Variants in DOCK10 observed in about 807,000 individuals in gnomAD.
DOCK10 encodes dedicator of cytokinesis protein 10.
A neutral mutation model predicts 280.1 loss-of-function variants in DOCK10; 145 were observed. That is an observed-to-expected ratio of 0.52 (90% CI 0.45 to 0.59). The LOEUF is 0.59. Among genes scored for constraint, DOCK10 ranks in the 20% least tolerant of loss-of-function variants. The pLI is 0.00. For synonymous variants in DOCK10, 915 were observed against 942.2 expected, an observed-to-expected ratio of 0.97 and a Z score of 0.53; for missense variants, 2,368 against 2,651.7, an observed-to-expected ratio of 0.89 and a Z score of 2.35.
chr2:224,800,694 A>G (rs1477487656), intron 40 of DOCK10, among the ~76,000 whole-genome samples: 1 of 152,214 alleles, frequency 6.6e-6, no homozygotes, highest in African/African-American at 2.4e-5. Flanking sequence ...CCATGTGCCC[A>G]TAATTGCTAA....
intron 1 of DOCK10, among the ~76,000 whole-genome samples, chr2:225,025,343 G>A (rs1211630473): frequency 6.6e-6 from 1 of 152,090 alleles, no homozygotes; most frequent in African/African-American, 2.4e-5. Context: ...ACTGGAGTTC[G>A]AAACTCCTAG....
intron 48 of DOCK10, 27 bp downstream of exon 48, chr2:224,789,037 C>T (rs1691955643): frequency 4.2e-6 from 6 of 1,444,884 alleles, no homozygotes; most frequent in Non-Finnish European, 5.8e-6. Context: ...TCCTTCGTTA[C>T]TGTACATGAG....
intron 11 of DOCK10, 76 bp from the exon 12 acceptor site, chr2:224,865,163 T>A: frequency 7.2e-7 from 1 of 1,392,584 alleles, no homozygotes; most frequent in Non-Finnish European, 1.0e-6. Flanking sequence ...GTACATCATT[T>A]AACAAAGCAG....
At chr2:224,982,505 A>G (rs946022022) in intron 1 of DOCK10, 2 of 1,225,798 alleles carry the variant, frequency 1.6e-6, no homozygotes, top group African/African-American at 1.6e-5. Flanking sequence ...AGCTCTGATC[A>G]TCTGATCATG....
chr2:224,841,418 T>A (rs1275067836), intron 23 of DOCK10, among the ~76,000 whole-genome samples: 1 of 152,172 alleles, frequency 6.6e-6, no homozygotes, highest in Non-Finnish European at 1.5e-5. Context: ...TAAAGTATAT[T>A]CTGCTGGTAT....
At chr2:225,003,820 G>C (rs370118304) in intron 1 of DOCK10, among the ~76,000 whole-genome samples, 9 of 152,164 alleles carry the variant, frequency 5.9e-5, no homozygotes, top group Non-Finnish European at 1.3e-4. Flanking sequence ...AGCTGCTTTG[G>C]GGAAAGAGGC....
At chr2:224,971,745 C>T (rs1705097632) in intron 1 of DOCK10, among the ~76,000 whole-genome samples, 1 of 151,976 alleles carries the variant, frequency 6.6e-6, no homozygotes, top group Non-Finnish European at 1.5e-5. Flanking sequence ...TTTACTCTTT[C>T]AACTATAAAT....
chr2:224,777,252 A>T (rs1280781063), intron 51 of DOCK10, among the ~76,000 whole-genome samples: 1 of 152,248 alleles, frequency 6.6e-6, no homozygotes, highest in Non-Finnish European at 1.5e-5. Flanking sequence ...GATGGTTAAT[A>T]TTAAATGTCA....
intron 1 of DOCK10, among the ~76,000 whole-genome samples, chr2:224,975,319 C>T (rs1705368715): frequency 6.6e-6 from 1 of 152,102 alleles, no homozygotes; most frequent in Non-Finnish European, 1.5e-5. Context: ...GGGAAAATAC[C>T]TCCAAAGATT....
intron 3 of DOCK10, among the ~76,000 whole-genome samples, chr2:224,915,425 G>A (rs768466562): frequency 1.3e-5 from 2 of 151,968 alleles, no homozygotes; most frequent in Admixed American, 6.6e-5. Flanking sequence ...TCCTTAAAAG[G>A]TATTGTAATG....
intron 24 of DOCK10, among the ~76,000 whole-genome samples, chr2:224,839,255 A>ATTT (rs577799384): frequency 2.3e-5 from 3 of 131,734 alleles, no homozygotes; most frequent in Non-Finnish European, 4.9e-5. Context: ...ATTTTTTGTA[A>ATTT]TTTTTTTTTT....
chr2:224,981,868 T>A (rs941931862), intron 1 of DOCK10, among the ~76,000 whole-genome samples: 3 of 152,348 alleles, frequency 2.0e-5, no homozygotes, highest in Non-Finnish European at 4.4e-5. Flanking sequence ...TTCTTTCAAA[T>A]TATAGTTATA....
At chr2:224,925,099 C>T (rs932893218) in intron 2 of DOCK10, among the ~76,000 whole-genome samples, 1 of 151,770 alleles carries the variant, frequency 6.6e-6, no homozygotes, top group Non-Finnish European at 1.5e-5. Flanking sequence ...CACCAGGAGC[C>T]GTTTAAAAGC....
At chr2:224,874,857 C>T (rs10181328) in intron 8 of DOCK10, 106 bp from the exon 9 acceptor site, 97,546 of 935,562 alleles carry the variant, frequency 0.1, 8,309 homozygotes, top group African/African-American at 0.4. Context: ...CTAAGAGGGA[C>T]GTTGGTGAGC....
Position 224,805,592 on chromosome 2 carries a change from G to T in DOCK10, c.3815-63C>A, listed in dbSNP as rs1432236248. 6 of 1,596,888 alleles carry T rather than the reference G, an allele frequency of 3.8e-6. No individual in the cohort carries two copies. Among genetic ancestry groups the T allele is most frequent in the Admixed American group, 3.4e-5 (2 of 59,158 alleles). Reference sequence around the variant, plus strand: ...ATGTATGGGCACACACACACAAAAGGTTCACATGATGAACCAAAAAGATGT... The same window carrying T: ...ATGTATGGGCACACACACACAAAAGTTTCACATGATGAACCAAAAAGATGT... On this transcript the variant is annotated intron_variant, in intron 34 of 55. Transcript: ENST00000258390. The surrounding 1 kb of genome is among the most constrained non-coding windows in gnomAD (Gnocchi z 4.3).
intron 1 of DOCK10, among the ~76,000 whole-genome samples, chr2:225,041,722 A>C (rs1690428451): frequency 6.6e-6 from 1 of 152,082 alleles, no homozygotes; most frequent in Non-Finnish European, 1.5e-5. Context: ...GGCTGTTCCA[A>C]GTACATCTAT....
intron 45 of DOCK10, among the ~76,000 whole-genome samples, chr2:224,794,663 C>A (rs933505464): frequency 6.6e-6 from 1 of 152,166 alleles, no homozygotes; most frequent in Admixed American, 6.5e-5. Flanking sequence ...TGCAGTTGCC[C>A]CCACTGACTC....
intron 3 of DOCK10, among the ~76,000 whole-genome samples, chr2:224,907,149 G>C (rs1052769465): frequency 1.3e-5 from 2 of 152,178 alleles, no homozygotes; most frequent in Non-Finnish European, 2.9e-5. Context: ...ACAAGAGAAA[G>C]GCTAATCTGA....
At chr2:224,933,694 G>T (rs1175963312) in intron 1 of DOCK10, among the ~76,000 whole-genome samples, 1 of 152,074 alleles carries the variant, frequency 6.6e-6, no homozygotes, top group Non-Finnish European at 1.5e-5. Flanking sequence ...ATGCCCTTTG[G>T]TATTTACAGC....
Sources: gnomAD v4.1 joint callset for allele counts (sites outside exome capture counted in the v4.1 genomes callset) on GRCh38, gnomAD v4.1.1 for gene constraint, Gnocchi (gnomAD v3.1) non-coding constraint, MANE v1.5 for transcripts, NCBI Gene and HGNC (gene_info 2026-07-23, HGNC 2026-07-21) for gene names.